The following QTMAN variants were observed in gnomAD, a reference collection of about 807,000 sequenced individuals.
The protein encoded by QTMAN is queuosine-tRNA mannosyltransferase.
At chr2:144,157,406 T>C in the QTMAN span, among the ~76,000 whole-genome samples, 65 of 152,148 alleles carry the variant, frequency 4.3e-4, 1 homozygote, top group Non-Finnish European at 5.0e-4. Context: ...CATTTACACA[T>C]AGGCCATGGA....
At chr2:144,092,726 C>A in the QTMAN span, among the ~76,000 whole-genome samples, 2 of 152,002 alleles carry the variant, frequency 1.3e-5, no homozygotes, top group Non-Finnish European at 2.9e-5. Context: ...TAACCAAAAC[C>A]CATATCTGCC....
chr2:144,181,110 G>A, the QTMAN span, among the ~76,000 whole-genome samples: 1 of 152,068 alleles, frequency 6.6e-6, no homozygotes, highest in Admixed American at 6.6e-5. Context: ...TATCTGTTTG[G>A]CTCTAAGCTT....
the QTMAN span, among the ~76,000 whole-genome samples, chr2:144,102,294 T>C: frequency 6.6e-6 from 1 of 152,166 alleles, no homozygotes; most frequent in Admixed American, 6.5e-5. Flanking sequence ...TATTACGAAG[T>C]TGGTTTGTGA....
the QTMAN span, among the ~76,000 whole-genome samples, chr2:144,247,569 TAACTC>T: frequency 6.6e-6 from 1 of 152,154 alleles, no homozygotes; most frequent in African/African-American, 2.4e-5. Flanking sequence ...TAAAATAAAT[TAACTC>T]AAAAGATAGC....
chr2:144,307,675 T>C, the QTMAN span, among the ~76,000 whole-genome samples: 5 of 152,234 alleles, frequency 3.3e-5, no homozygotes, highest in Non-Finnish European at 7.3e-5. Flanking sequence ...TCAATTCTAG[T>C]TCTGTATAGA....
chr2:144,133,292 AATAT>A, the QTMAN span, among the ~76,000 whole-genome samples: 2 of 63,428 alleles, frequency 3.2e-5, no homozygotes, highest in African/African-American at 1.3e-4. Flanking sequence ...TACATATATA[AATAT>A]ATATGTTCAT....
the QTMAN span, among the ~76,000 whole-genome samples, chr2:144,323,430 A>T: frequency 6.6e-6 from 1 of 152,216 alleles, no homozygotes; most frequent in African/African-American, 2.4e-5. Flanking sequence ...GAAGAATACC[A>T]TGATTACTAG....
At chr2:144,231,341 T>C in the QTMAN span, among the ~76,000 whole-genome samples, 1 of 152,162 alleles carries the variant, frequency 6.6e-6, no homozygotes, top group Non-Finnish European at 1.5e-5. Context: ...GTACTAGTTA[T>C]AATTATAAAC....
At chr2:144,324,771 G>A in the QTMAN span, among the ~76,000 whole-genome samples, 61 of 151,950 alleles carry the variant, frequency 4.0e-4, 2 homozygotes, top group South Asian at 0.012. Flanking sequence ...ATGTTTTCAG[G>A]TGCTTTGAGT....
At chr2:144,218,976 G>T in the QTMAN span, among the ~76,000 whole-genome samples, 1 of 148,830 alleles carries the variant, frequency 6.7e-6, no homozygotes. Flanking sequence ...AGAATATCAG[G>T]TAAACATTTG....
At chr2:144,065,622 T>C in the QTMAN span, among the ~76,000 whole-genome samples, 6 of 152,322 alleles carry the variant, frequency 3.9e-5, no homozygotes, top group Non-Finnish European at 8.8e-5. Flanking sequence ...ATCCAGAGCA[T>C]TGTACTATCC....
chr2:144,238,112 A>T, the QTMAN span, among the ~76,000 whole-genome samples: 1 of 152,198 alleles, frequency 6.6e-6, no homozygotes, highest in Non-Finnish European at 1.5e-5. Context: ...ATGCACTCTA[A>T]CTTCCTGTAT....
chr2:144,329,146 G>C, the QTMAN span, among the ~76,000 whole-genome samples: 1 of 152,076 alleles, frequency 6.6e-6, no homozygotes, highest in South Asian at 2.1e-4. Context: ...AGGAGGCTGA[G>C]GCAGGAAACC....
the QTMAN span, among the ~76,000 whole-genome samples, chr2:144,072,084 C>A: frequency 3.9e-5 from 6 of 152,080 alleles, no homozygotes; most frequent in Non-Finnish European, 8.8e-5. Flanking sequence ...TTTGCTCACA[C>A]GAAAAGCCAT....
At chr2:144,083,577 G>A in the QTMAN span, among the ~76,000 whole-genome samples, 1 of 152,188 alleles carries the variant, frequency 6.6e-6, no homozygotes, top group Non-Finnish European at 1.5e-5. Context: ...CTGTAAAACT[G>A]AAGAAATATT....
chr2:144,266,851 GA>G, the QTMAN span, among the ~76,000 whole-genome samples: 1 of 151,842 alleles, frequency 6.6e-6, no homozygotes, highest in African/African-American at 2.4e-5. Flanking sequence ...TTTAAATCAA[GA>G]AAAAAATACA....
the QTMAN span, among the ~76,000 whole-genome samples, chr2:144,188,277 T>A: frequency 6.7e-6 from 1 of 148,362 alleles, no homozygotes; most frequent in African/African-American, 2.5e-5. Context: ...GTAGCACCAA[T>A]TTTTTTTTTT....
chr2:143,952,603 A>G, the QTMAN span, among the ~76,000 whole-genome samples: 15 of 151,840 alleles, frequency 9.9e-5, no homozygotes, highest in East Asian at 2.9e-3. Flanking sequence ...ACAGATGGTA[A>G]ATATAAGCTT....
At chr2:143,991,428 G>C in the QTMAN span, among the ~76,000 whole-genome samples, 3 of 149,038 alleles carry the variant, frequency 2.0e-5, no homozygotes, top group Non-Finnish European at 4.5e-5. Context: ...GTCCGGGAGG[G>C]AGGTGGGGGG....
Sources: allele counts gnomAD v4.1 joint callset (sites outside exome capture counted in the v4.1 genomes callset), GRCh38; gene constraint gnomAD v4.1.1; transcripts MANE v1.5; gene names NCBI Gene and HGNC (gene_info 2026-07-23, HGNC 2026-07-21).